MOG: variants seen among roughly 807,000 people sequenced by gnomAD.
The protein encoded by MOG is myelin-oligodendrocyte glycoprotein.
A neutral mutation model predicts 35.9 loss-of-function variants in MOG; 20 were observed. The ratio of observed to expected loss-of-function variants is 0.56; its 90% confidence interval spans 0.39 to 0.81. The LOEUF is 0.81. Ranked by LOEUF, MOG falls within the 30% of genes least tolerant of loss-of-function variation. The probability of loss-of-function intolerance (pLI) is 0.00; values close to 1 mark genes in which losing one functional copy is unlikely to be tolerated. For missense variants in MOG, 251 were observed against 301.0 expected, an observed-to-expected ratio of 0.83 and a Z score of 1.23; for synonymous variants, 92 against 114.3, an observed-to-expected ratio of 0.80 and a Z score of 1.25.
chr6:29,671,015 T>C, intron 7 of MOG, 157 bp from the exon 8 acceptor site: 21 of 1,612,030 alleles, frequency 1.3e-5, no homozygotes, highest in Non-Finnish European at 1.7e-5. Flanking sequence ...TCATTGCCCA[T>C]TCCACAGCAA....
chr6:29,661,816 CAAAAAAAAAAAAA>C, intron 2 of MOG: 1 of 872,100 alleles, frequency 1.1e-6, no homozygotes, highest in Non-Finnish European at 1.3e-6. Context: ...AACTCCATCT[CAAAAAAAAAAAAA>C]AAAAAAAAAC....
chr6:29,661,265 TTGCAG>T (rs1562184803), intron 2 of MOG: 1 of 488,656 alleles, frequency 2.0e-6, no homozygotes, highest in Non-Finnish European at 2.7e-6. Context: ...GGAGTGACCA[TTGCAG>T]TGCTGGGACC....
intron 1 of MOG, 148 bp from the exon 2 acceptor site, chr6:29,659,171 A>G: frequency 1.4e-6 from 1 of 718,420 alleles, no homozygotes; most frequent in Non-Finnish European, 2.5e-6. Context: ...AAGAAGAAGA[A>G]CAATTGCAAT....
At chr6:29,665,131 T>C (rs1037277023) in intron 2 of MOG, among the ~76,000 whole-genome samples, 1 of 151,740 alleles carries the variant, frequency 6.6e-6, no homozygotes, top group African/African-American at 2.4e-5. Flanking sequence ...AGTTTCGCTC[T>C]TGTTGCCCAG....
chr6:29,667,931 T>C lies in MOG; in HGVS notation c.592+7T>C, dbSNP rs769747932. Reference sequence around the variant, plus strand: ...AATCTCCACCGGACTTTTGGTAAGTTCCGGCATGTCTAGGCCCTCCCAGGT... The same window carrying C: ...AATCTCCACCGGACTTTTGGTAAGTCCCGGCATGTCTAGGCCCTCCCAGGT... On this transcript the variant is annotated splice_region_variant and intron_variant, in intron 5 of 7. Coordinates refer to ENST00000376917, the MANE Select transcript of MOG (RefSeq NM_206809.4). 4 of 1,613,198 alleles carry C rather than the reference T, an allele frequency of 2.5e-6. No individual in the cohort carries two copies. In the South Asian group the frequency reaches 4.4e-5, roughly 18 times the overall value.
At chr6:29,666,328 A>G (rs1005406093) in intron 3 of MOG, 63 bp downstream of exon 3, 2 of 908,256 alleles carry the variant, frequency 2.2e-6, no homozygotes, top group Non-Finnish European at 1.8e-6. Context: ...TCTTGGAGCT[A>G]CACCACTTAA....
chr6:29,660,424 G>T (rs1208245190), intron 2 of MOG, among the ~76,000 whole-genome samples: 1 of 150,388 alleles, frequency 6.6e-6, no homozygotes, highest in Admixed American at 6.6e-5. Context: ...CCAGCTACTC[G>T]GGAGGCTGAG....
At chr6:29,666,437 G>A (rs1205391936) in intron 3 of MOG, among the ~76,000 whole-genome samples, 172 bp downstream of exon 3, 2 of 152,136 alleles carry the variant, frequency 1.3e-5, no homozygotes, top group South Asian at 2.1e-4. Context: ...TACATCTTAC[G>A]GAATGCTTTC....
intron 1 of MOG, 144 bp from the exon 2 acceptor site, chr6:29,659,175 T>C (rs1767904914): frequency 1.6e-5 from 12 of 731,264 alleles, no homozygotes; most frequent in Non-Finnish European, 2.9e-5. Context: ...AGAAGAACAA[T>C]TGCAATCCTC....
chr6:29,666,292 G>A, intron 3 of MOG, 27 bp downstream of exon 3: 2 of 1,384,380 alleles, frequency 1.4e-6, no homozygotes, highest in African/African-American at 2.8e-5. Context: ...GGGTGGATCA[G>A]GATCCTTTCT....
chr6:29,661,641 A>G (rs1378921379), intron 2 of MOG: 1 of 829,276 alleles, frequency 1.2e-6, no homozygotes, highest in Non-Finnish European at 1.5e-6. Flanking sequence ...ACCAACATGG[A>G]GAAACCCTGT....
chr6:29,658,171 T>G (rs1305340870), intron 1 of MOG, among the ~76,000 whole-genome samples: 3 of 152,222 alleles, frequency 2.0e-5, no homozygotes, highest in Admixed American at 6.5e-5. Context: ...TTTGAGACTT[T>G]GCTCTGCATA....
intron 2 of MOG, among the ~76,000 whole-genome samples, chr6:29,665,701 C>T (rs933039703): frequency 2.2e-4 from 33 of 151,958 alleles, no homozygotes; most frequent in African/African-American, 8.0e-4. Context: ...GCTTGGAATC[C>T]TTCAGTGCAC....
chr6:29,662,265 C>T lies in MOG; in HGVS notation c.436+2599C>T, dbSNP rs1279376051. On this transcript the variant is annotated intron_variant, in intron 2 of 7. Coordinates refer to ENST00000376917, the MANE Select transcript of MOG (RefSeq NM_206809.4). This position sits in a 1 kb window ranked among gnomAD's most constrained non-coding sequence, Gnocchi z 4.2. ...TTGGGAGGCCGAAGCGGGCAGATCA[C>T]CCGAGGTCAGGAGTTCGAGACCAGC... The T allele has an allele frequency of 1.3e-6, 1 of 772,340 alleles. No individual in the cohort carries two copies. The highest frequency in any genetic ancestry group is 1.9e-5 in the African/African-American group (1 of 52,628). The allele number at this position is 772,340 out of a possible 1,614,324, so 47.8% of individuals were successfully genotyped here.
Position 29,670,316 on chromosome 6 carries a change from A to G in MOG, c.628A>G (p.Thr210Ala), listed in dbSNP as rs756950652. Residue 210 changes from threonine (T) to alanine (A), a missense_variant, in exon 6 of 8, where the codon ACC (threonine) becomes GCC (alanine). Thr to Ala is a moderately conservative substitution (Grantham distance 58). Coordinates refer to ENST00000376917, the MANE Select transcript of MOG (RefSeq NM_206809.4). The surrounding 1 kb of genome is among the most constrained non-coding windows in gnomAD (Gnocchi z 4.2). Reference sequence around the variant, plus strand: ...TCTGAGGGTGCCCTGCTGGAAGATAACCCTGTTTGTAATTGTGCCGGTTCT... The same window carrying G: ...TCTGAGGGTGCCCTGCTGGAAGATAGCCCTGTTTGTAATTGTGCCGGTTCT... ...HFLRVPCWKI[T>A]LFVIVPVLGP... The G allele has an allele frequency of 4.3e-6, 7 of 1,613,974 alleles. No individual in the cohort carries two copies. In the South Asian group the frequency reaches 5.5e-5, roughly 13 times the overall value.
chr6:29,659,341 A>G lies in MOG; in HGVS notation c.111A>G (p.Pro37=). ...CAGGGCAGTTCAGAGTGATAGGACCAAGACACCCTATCCGGGCTCTGGTCG... is the reference window on the plus strand; with the variant it reads ...CAGGGCAGTTCAGAGTGATAGGACCGAGACACCCTATCCGGGCTCTGGTCG... ...SYAGQFRVIG[P]RHPIRALVGD... is the part of the protein sequence containing the mutation. Residue 37 remains proline (P), a synonymous_variant, in exon 2 of 8, where the codon CCA becomes CCG. Transcript: ENST00000376917. The G allele has an allele frequency of 1.9e-6, 3 of 1,612,886 alleles. No homozygotes were observed. Among genetic ancestry groups the G allele is most frequent in the Non-Finnish European group, 2.5e-6 (3 of 1,179,964 alleles).
chr6:29,660,250 C>T (rs1371143442), intron 2 of MOG, among the ~76,000 whole-genome samples: 2 of 129,684 alleles, frequency 1.5e-5, no homozygotes, highest in East Asian at 2.0e-4. Flanking sequence ...GGCCCAGCGC[C>T]GTGGCTCACG....
intron 2 of MOG, among the ~76,000 whole-genome samples, chr6:29,665,233 A>G (rs762645655): frequency 1.3e-4 from 20 of 151,584 alleles, no homozygotes; most frequent in Non-Finnish European, 2.9e-4. Flanking sequence ...AGTAGCTGGG[A>G]TTACAGGACT....
chr6:29,666,029 A>G, intron 2 of MOG, 123 bp from the exon 3 acceptor site: 1 of 786,314 alleles, frequency 1.3e-6, no homozygotes, highest in Non-Finnish European at 2.3e-6. Context: ...ATTCTGTGTC[A>G]CCTTCTTTGA....
Sources: allele counts gnomAD v4.1 joint callset (sites outside exome capture counted in the v4.1 genomes callset), GRCh38; gene constraint gnomAD v4.1.1; non-coding constraint Gnocchi (gnomAD v3.1); transcripts MANE v1.5; gene names NCBI Gene and HGNC (gene_info 2026-07-23, HGNC 2026-07-21).